The following PPIL2 variants were observed in gnomAD, a reference collection of about 807,000 sequenced individuals.
PPIL2 encodes the protein peptidylprolyl isomerase like 2.
Under a neutral mutation model 75.2 loss-of-function variants are expected in PPIL2, and 50 were observed. The observed-to-expected ratio is 0.66, with a 90% CI of 0.53 to 0.84. The LOEUF is 0.84. Ranked by LOEUF, PPIL2 falls within the 40% of genes least tolerant of loss-of-function variation. PPIL2 has a pLI of 0.00. For missense variants in PPIL2, 590 were observed against 685.0 expected (o/e 0.86, Z 1.55); for synonymous variants, 245 against 258.8 (o/e 0.95, Z 0.51).
intron 13 of PPIL2, 64 bp downstream of exon 13, chr22:21,687,796 T>A: frequency 6.7e-7 from 1 of 1,485,256 alleles, no homozygotes; most frequent in Admixed American, 1.7e-5. Flanking sequence ...CTGGGTGGGC[T>A]TGTCCCTGCC....
chr22:21,689,692 G>A (rs1406573627), intron 15 of PPIL2, among the ~76,000 whole-genome samples: 1 of 152,194 alleles, frequency 6.6e-6, no homozygotes, highest in African/African-American at 2.4e-5. Flanking sequence ...TCACGTCACC[G>A]TGGGCCTGAT....
chr22:21,697,005 C>A lies in PPIL2; in HGVS notation c.*1515C>A. 1 of 1,545,820 alleles carries A rather than the reference C, an allele frequency of 6.5e-7. No homozygotes were observed. The highest frequency in any genetic ancestry group is 2.4e-5 in the East Asian group (1 of 41,070). On this transcript the variant is annotated 3_prime_UTR_variant, in exon 20 of 20. Transcript: ENST00000398831. ...ATGGCTGGCTCCTTCTCTTCTCCAG[C>A]CCATCCCTCTGCAGCCTGTCATCCC...
rs2067924039 is a variant in PPIL2 at position 21,696,239 on chromosome 22, T to C, written c.*749T>C. The C allele has an allele frequency of 9.9e-7, 1 of 1,015,228 alleles. No homozygotes were observed. Among genetic ancestry groups the C allele is most frequent in the Admixed American group, 5.1e-5 (1 of 19,572 alleles). The allele number at this position is 1,015,228 out of a possible 1,614,324, so 62.9% of individuals were successfully genotyped here. A position where few individuals can be genotyped will look rare whatever the true frequency, so the allele number is the denominator to read the frequency against. On this transcript the variant is annotated 3_prime_UTR_variant, in exon 20 of 20. Coordinates refer to ENST00000398831, the MANE Select transcript of PPIL2 (RefSeq NM_014337.4). The stretch of plus-strand genomic sequence containing the variant: ...CCTGCCTGAGCTCTCAGGGCCCTGC[T>C]CACCTGCTCTGGCTGTGAACCACCT...
chr22:21,681,709 G>A (rs145552108), intron 7 of PPIL2, among the ~76,000 whole-genome samples: 88 of 152,364 alleles, frequency 5.8e-4, no homozygotes, highest in African/African-American at 2.0e-3. Context: ...CATGTTTTGA[G>A]GACAGGCCTC....
Position 21,695,516 on chromosome 22 carries a change from G to A in PPIL2, c.*26G>A, listed in dbSNP as rs1236958062. 3 of 1,575,056 alleles carry A rather than the reference G, an allele frequency of 1.9e-6. No homozygotes were observed. The highest frequency in any genetic ancestry group is 2.6e-6 in the Non-Finnish European group (3 of 1,159,588). On this transcript the variant is annotated 3_prime_UTR_variant, in exon 20 of 20. Transcript: ENST00000398831. ...CAGCAGGTTGGCCGCTGTGGACCTT[G>A]GTGGGGTTGCAGGGCTGGGGGCCCA...
rs2067955147 is a variant in PPIL2, at chr22:21,696,817, C to G, written c.*1327C>G. ...TGATGCTGAAGCTGCAGGCCTGAGC[C>G]CTTTGTCTCCCTGGATGCTGGGTGG... On this transcript the variant is annotated 3_prime_UTR_variant, in exon 20 of 20. Transcript: ENST00000398831. 1 of 1,555,746 alleles carries G rather than the reference C, an allele frequency of 6.4e-7. No individual in the cohort carries two copies.
At chr22:21,683,588 C>T (rs761598253) in intron 9 of PPIL2, among the ~76,000 whole-genome samples, 4 of 152,262 alleles carry the variant, frequency 2.6e-5, no homozygotes, top group Non-Finnish European at 5.9e-5. Context: ...GAGGAGCCAG[C>T]AGGACTCATG....
chr22:21,674,714 C>T (rs1288115912), intron 5 of PPIL2, among the ~76,000 whole-genome samples: 1 of 152,214 alleles, frequency 6.6e-6, no homozygotes, highest in African/African-American at 2.4e-5. Flanking sequence ...ACCACTCTAG[C>T]TGAAGAAATA....
At chr22:21,674,015 G>C (rs1446870759) in intron 5 of PPIL2, among the ~76,000 whole-genome samples, 2 of 152,220 alleles carry the variant, frequency 1.3e-5, no homozygotes, top group African/African-American at 4.8e-5. Context: ...CAGTTGGGTT[G>C]GCCAGCAGCA....
intron 15 of PPIL2, 148 bp downstream of exon 15, chr22:21,688,997 CG>C: frequency 2.6e-6 from 2 of 756,168 alleles, no homozygotes; most frequent in South Asian, 3.5e-5. Flanking sequence ...TGTGCACCTG[CG>C]TTCAAAAGGG....
At chr22:21,675,231 T>C (rs774420156) in intron 6 of PPIL2, 116 bp downstream of exon 6, 26 of 1,009,540 alleles carry the variant, frequency 2.6e-5, no homozygotes, top group Non-Finnish European at 3.9e-5. Context: ...GACACCTGCT[T>C]TTAATTCCGC....
chr22:21,670,650 T>C, intron 3 of PPIL2, 39 bp downstream of exon 3: 1 of 1,566,260 alleles, frequency 6.4e-7, no homozygotes, highest in Non-Finnish European at 8.8e-7. Flanking sequence ...TTGTAATTGT[T>C]CTCTGATCCT....
chr22:21,670,706 A>C, intron 3 of PPIL2, 95 bp downstream of exon 3: 4 of 1,349,120 alleles, frequency 3.0e-6, no homozygotes, highest in Non-Finnish European at 4.2e-6. Context: ...TTATGCGTAA[A>C]AGTGTGCCTT....
chr22:21,688,251 C>T, intron 14 of PPIL2, 145 bp downstream of exon 14: 1 of 1,080,058 alleles, frequency 9.3e-7, no homozygotes, highest in South Asian at 1.4e-5. Context: ...GTGCTGTGCC[C>T]CCTCAGGCCT....
At chr22:21,681,912 T>C (rs985312140) in intron 7 of PPIL2, among the ~76,000 whole-genome samples, 1 of 152,192 alleles carries the variant, frequency 6.6e-6, no homozygotes, top group Non-Finnish European at 1.5e-5. Flanking sequence ...CTTTGCGCCG[T>C]TGTCAATCCT....
chr22:21,697,438 C>T lies in PPIL2; in HGVS notation c.*1948C>T, dbSNP rs376926519. 24 of 182,822 alleles carry T rather than the reference C, an allele frequency of 1.3e-4. No individual in the cohort carries two copies. Among genetic ancestry groups the T allele is most frequent in the Non-Finnish European group, 2.1e-4 (18 of 86,028 alleles). The allele number at this position is 182,822 out of a possible 1,614,324, so 11.3% of individuals were successfully genotyped here. ...CCAGGCCATCCTTGGCTCCAGAGCT[C>T]GAAGACCCCAAGACAGCCCTCTGCT... On this transcript the variant is annotated 3_prime_UTR_variant, in exon 20 of 20. Transcript: ENST00000398831.
At chr22:21,678,444 T>C (rs2066968421) in intron 6 of PPIL2, among the ~76,000 whole-genome samples, 1 of 152,094 alleles carries the variant, frequency 6.6e-6, no homozygotes, top group African/African-American at 2.4e-5. Context: ...TTGGCCAGGC[T>C]GGTCTCGAAC....
rs1473022342 is a variant in PPIL2, at chr22:21,685,839, T to C, written c.715-644T>C. The C allele has an allele frequency of 1.1e-5, 4 of 354,130 alleles. No individual in the cohort carries two copies. In the East Asian group the frequency reaches 3.1e-4, roughly 28 times the overall value. The allele number at this position is 354,130 out of a possible 1,614,324, so 21.9% of individuals were successfully genotyped here. A position where few individuals can be genotyped will look rare whatever the true frequency, so the allele number is the denominator to read the frequency against. On this transcript the variant is annotated intron_variant, in intron 10 of 19. Transcript: ENST00000398831. The stretch of plus-strand genomic sequence containing the variant: ...GGCTTTTCCCCGACCCCTGATTAAA[T>C]ATGTAATGTGTTTAGTGTAGAAAGT...
At position 21,682,496 on chromosome 22, in the gene PPIL2, C is replaced by T. The variant is rs1022214320; in HGVS notation, c.447C>T (p.Pro149=). ...TCCGGGACCTGCTGACCGACGAGCC[C>T]TTCTCCCGGCAGGACATCATCACCC... ...KNFRDLLTDE[P]FSRQDIITLQ... Residue 149 remains proline (P), a synonymous_variant, in exon 8 of 20, where the codon CCC becomes CCT. Transcript: ENST00000398831. 3.7e-6 allele frequency: 6 copies of T among 1,613,894 alleles called. No homozygotes were observed. Among genetic ancestry groups the T allele is most frequent in the South Asian group, 1.1e-5 (1 of 91,070 alleles).
Sources: gnomAD v4.1 joint callset for allele counts (sites outside exome capture counted in the v4.1 genomes callset) on GRCh38, gnomAD v4.1.1 for gene constraint, MANE v1.5 for transcripts, NCBI Gene and HGNC (gene_info 2026-07-23, HGNC 2026-07-21) for gene names.